Variants in ROBO1 observed in about 807,000 individuals in gnomAD.
ROBO1 encodes roundabout homolog 1.
In ROBO1, 149 loss-of-function variants were observed where a neutral mutation model predicts 195.9. The ratio of observed to expected loss-of-function variants is 0.76; its 90% CI spans 0.67 to 0.87. The LOEUF (loss-of-function observed/expected upper bound fraction) is 0.87. Among genes scored for constraint, ROBO1 ranks in the 40% least tolerant of loss-of-function variants. ROBO1 has a pLI of 0.00. For synonymous variants in ROBO1, 816 were observed against 733.2 expected (o/e 1.11, Z -1.82); for missense variants, 1,933 against 2,068.3 (o/e 0.93, Z 1.27).
chr3:78,962,675 A>C lies in ROBO1; in HGVS notation c.173-23748T>G, dbSNP rs35217867. On this transcript the variant is annotated intron_variant, in intron 3 of 30. Transcript: ENST00000464233. ...CCCGTCTCTACTAAAAATACAAAAA[A>C]TTAGCCAGGCGTGGTGGCGGCGCCT... Among the ~76,000 whole-genome samples the C allele has an allele frequency of 7.6e-3, 1,160 of 151,974 alleles. 6 individuals are homozygous for C. Among genetic ancestry groups the C allele is most frequent in the Non-Finnish European group, 0.012 (824 of 67,932 alleles).
chr3:79,226,738 G>A (rs2108840762), intron 2 of ROBO1, among the ~76,000 whole-genome samples: 1 of 151,782 alleles, frequency 6.6e-6, no homozygotes, highest in South Asian at 2.1e-4. Context: ...TTAGAGATAA[G>A]GTCTCCGTAT....
At chr3:79,194,382 G>A (rs2108762692) in intron 2 of ROBO1, among the ~76,000 whole-genome samples, 1 of 151,684 alleles carries the variant, frequency 6.6e-6, no homozygotes. Flanking sequence ...TTTTATTGGT[G>A]GTGAAAGTTA....
At chr3:78,982,200 T>C (rs539732603) in intron 3 of ROBO1, among the ~76,000 whole-genome samples, 234 of 152,286 alleles carry the variant, frequency 1.5e-3, no homozygotes, top group African/African-American at 5.5e-3. Flanking sequence ...AATAATCATT[T>C]ACTACCCCTC....
At chr3:78,907,215 T>G (rs566554149) in intron 4 of ROBO1, among the ~76,000 whole-genome samples, 1 of 152,050 alleles carries the variant, frequency 6.6e-6, no homozygotes, top group Non-Finnish European at 1.5e-5. Context: ...GAATAGGTCC[T>G]TTACCCATGC....
chr3:79,669,255 C>T (rs962048238), intron 1 of ROBO1, among the ~76,000 whole-genome samples: 1 of 151,652 alleles, frequency 6.6e-6, no homozygotes, highest in African/African-American at 2.4e-5. Context: ...CTGCTGCCAT[C>T]GATGTAAGAA....
At chr3:78,972,943 G>A (rs1158205208) in intron 3 of ROBO1, among the ~76,000 whole-genome samples, 1 of 152,110 alleles carries the variant, frequency 6.6e-6, no homozygotes, top group African/African-American at 2.4e-5. Flanking sequence ...GTTTGCTCTT[G>A]CACAGAAAAA....
intron 28 of ROBO1, among the ~76,000 whole-genome samples, chr3:78,611,581 C>T (rs552757351): frequency 2.6e-5 from 4 of 152,286 alleles, no homozygotes; most frequent in East Asian, 1.9e-4. Flanking sequence ...GTTCTCCCTG[C>T]GTGCTTACGA....
At chr3:78,969,109 C>T (rs2076709828) in intron 3 of ROBO1, among the ~76,000 whole-genome samples, 1 of 152,142 alleles carries the variant, frequency 6.6e-6, no homozygotes, top group African/African-American at 2.4e-5. Flanking sequence ...ATAAGCATTG[C>T]TCCATAAACT....
At chr3:79,293,851 G>T (rs1288530835) in intron 2 of ROBO1, among the ~76,000 whole-genome samples, 1 of 151,668 alleles carries the variant, frequency 6.6e-6, no homozygotes, top group Admixed American at 6.6e-5. Context: ...GAGGTCAGGA[G>T]ATCGAGACCA....
At chr3:79,199,520 C>T (rs1289587696) in intron 2 of ROBO1, among the ~76,000 whole-genome samples, 1 of 151,630 alleles carries the variant, frequency 6.6e-6, no homozygotes, top group Non-Finnish European at 1.5e-5. Context: ...TTAACGTGTT[C>T]CTGATGATTT....
chr3:79,122,801 T>C (rs2080144280), intron 3 of ROBO1, among the ~76,000 whole-genome samples: 1 of 152,004 alleles, frequency 6.6e-6, no homozygotes, highest in African/African-American at 2.4e-5. Flanking sequence ...ATCTTCTTCT[T>C]TTGGGATTAT....
chr3:78,733,421 T>C (rs2082325402), intron 5 of ROBO1, among the ~76,000 whole-genome samples: 1 of 152,066 alleles, frequency 6.6e-6, no homozygotes, highest in Admixed American at 6.6e-5. Context: ...AGATTACAAT[T>C]CATTTTGCTT....
chr3:79,379,935 T>C (rs913582213), intron 2 of ROBO1, among the ~76,000 whole-genome samples: 9 of 152,240 alleles, frequency 5.9e-5, no homozygotes, highest in African/African-American at 2.2e-4. Context: ...TGTTTAACCC[T>C]GTATTATATA....
intron 2 of ROBO1, among the ~76,000 whole-genome samples, chr3:79,218,099 A>T (rs1459562736): frequency 1.3e-5 from 2 of 152,026 alleles, no homozygotes; most frequent in Non-Finnish European, 2.9e-5. Context: ...CTAAAATCTT[A>T]TATAGACAAT....
chr3:79,164,803 T>C (rs1041333769), intron 2 of ROBO1, among the ~76,000 whole-genome samples: 12 of 152,172 alleles, frequency 7.9e-5, no homozygotes, highest in African/African-American at 2.9e-4. Context: ...TGTGGCCTAA[T>C]GGTTTCTTGC....
intron 2 of ROBO1, among the ~76,000 whole-genome samples, chr3:79,309,924 C>A (rs535995673): frequency 1.3e-5 from 2 of 152,204 alleles, no homozygotes; most frequent in South Asian, 2.1e-4. Flanking sequence ...AATTTAGATA[C>A]AACTCTGAAT....
intron 4 of ROBO1, among the ~76,000 whole-genome samples, chr3:78,749,109 T>C (rs1294655467): frequency 6.6e-6 from 1 of 152,154 alleles, no homozygotes; most frequent in East Asian, 1.9e-4. Flanking sequence ...GGATTGACCT[T>C]GACAGGCAGT....
At chr3:79,315,675 T>G (rs971744285) in intron 2 of ROBO1, among the ~76,000 whole-genome samples, 5 of 152,222 alleles carry the variant, frequency 3.3e-5, no homozygotes, top group Non-Finnish European at 7.3e-5. Context: ...AAACATTTTT[T>G]GATATATTAA....
intron 4 of ROBO1, among the ~76,000 whole-genome samples, chr3:78,878,624 C>T (rs954925415): frequency 2.7e-5 from 4 of 149,108 alleles, no homozygotes; most frequent in African/African-American, 9.9e-5. Flanking sequence ...TAATGGGCAC[C>T]TGTATTTTTA....
Sources: allele counts gnomAD v4.1 joint callset (sites outside exome capture counted in the v4.1 genomes callset), GRCh38; gene constraint gnomAD v4.1.1; transcripts MANE v1.5; gene names NCBI Gene and HGNC (gene_info 2026-07-23, HGNC 2026-07-21).